The following PCDH7 variants were observed in gnomAD, a reference collection of about 807,000 sequenced individuals.
PCDH7 encodes protocadherin-7.
A neutral mutation model predicts 58.9 loss-of-function variants in PCDH7; 17 were observed. That is an observed-to-expected ratio of 0.29 (90% CI 0.20 to 0.43). The LOEUF is 0.43. PCDH7 is among the 20% of genes least tolerant of loss of function. The probability of loss-of-function intolerance (pLI) is 1.00; values close to 1 mark genes in which losing one functional copy is unlikely to be tolerated. For missense variants in PCDH7, 1,274 were observed against 1,441.0 expected (o/e 0.88, Z 1.88); for synonymous variants, 664 against 616.4 (o/e 1.08, Z -1.14).
chr4:31,133,729 T>C (rs909180038), intron 3 of PCDH7, among the ~76,000 whole-genome samples: 3 of 152,196 alleles, frequency 2.0e-5, no homozygotes, highest in African/African-American at 7.2e-5. Context: ...AGTGCAGTTT[T>C]CATGTGCCAG....
rs572640236 is a variant in PCDH7, at chr4:31,060,242, C to A, written c.*8-82231C>A. On this transcript the variant is annotated intron_variant, in intron 3 of 3. Coordinates refer to the PCDH7 transcript ENST00000509759. The stretch of plus-strand genomic sequence containing the variant: ...CAATCTTGGTTATGAAAGTAGATAT[C>A]TTTGTATGATAATAAATTACTTCCC... 1.1e-4 allele frequency among the ~76,000 whole-genome samples: 17 copies of A among 151,828 alleles called. No individual in the cohort carries two copies. The South Asian group carries it at 3.3e-3, about 30-fold the overall frequency.
At chr4:31,118,700 A>G (rs1717289577) in intron 3 of PCDH7, among the ~76,000 whole-genome samples, 1 of 152,214 alleles carries the variant, frequency 6.6e-6, no homozygotes, top group African/African-American at 2.4e-5. Flanking sequence ...GAAGGAACAG[A>G]TGAAGACCTT....
At position 30,721,441 on chromosome 4, in the gene PCDH7, G is replaced by C. The variant is rs1302671522; in HGVS notation, c.19G>C (p.Ala7Pro). Reference sequence around the variant, plus strand: ...GGAGAAGATGCTGAGGATGCGGACCGCGGGATGGGCGCGCGGCTGGTGCTT... The same window carrying C: ...GGAGAAGATGCTGAGGATGCGGACCCCGGGATGGGCGCGCGGCTGGTGCTT... Residue 7 changes from alanine to proline, a missense_variant, in exon 1 of 2, where the codon GCG becomes CCG. By Grantham distance (27) the Ala-to-Pro change is conservative. Transcript: ENST00000361762. This position sits in a 1 kb window ranked among gnomAD's most constrained non-coding sequence, Gnocchi z 6.7. 2 of 1,529,178 alleles carry C rather than the reference G, an allele frequency of 1.3e-6. No individual in the cohort carries two copies. Among genetic ancestry groups the C allele is most frequent in the East Asian group, 2.3e-5 (1 of 42,890 alleles). The allele number at this position is 1,529,178 out of a possible 1,614,324, so 94.7% of individuals were successfully genotyped here. A position where few individuals can be genotyped will look rare whatever the true frequency, so the allele number is the denominator to read the frequency against.
At chr4:31,012,637 A>G (rs1753282641) in intron 3 of PCDH7, among the ~76,000 whole-genome samples, 1 of 150,690 alleles carries the variant, frequency 6.6e-6, no homozygotes, top group Non-Finnish European at 1.5e-5. Flanking sequence ...TCTTGCCAGA[A>G]AAGTTATTTC....
At chr4:30,805,765 A>T (rs1024845245) in intron 1 of PCDH7, among the ~76,000 whole-genome samples, 1 of 152,130 alleles carries the variant, frequency 6.6e-6, no homozygotes, top group African/African-American at 2.4e-5. Context: ...TTTATACCAA[A>T]TCTGACCACT....
intron 3 of PCDH7, among the ~76,000 whole-genome samples, chr4:31,021,966 A>T (rs953478844): frequency 6.6e-6 from 1 of 152,154 alleles, no homozygotes; most frequent in African/African-American, 2.4e-5. Context: ...TATAAGGTGA[A>T]TGTACCTTTG....
intron 3 of PCDH7, among the ~76,000 whole-genome samples, chr4:31,059,598 G>C (rs965604836): frequency 1.3e-5 from 2 of 151,724 alleles, no homozygotes; most frequent in African/African-American, 4.8e-5. Context: ...CATAGTAAAA[G>C]AATATGATTT....
intron 3 of PCDH7, among the ~76,000 whole-genome samples, chr4:31,008,843 A>G (rs115462269): frequency 0.012 from 1,870 of 152,250 alleles, 18 homozygotes; most frequent in Admixed American, 0.016. Flanking sequence ...AAGCTAACAT[A>G]GTTCTTATTT....
At chr4:30,993,925 GT>G (rs1370182474) in intron 3 of PCDH7, among the ~76,000 whole-genome samples, 6 of 152,220 alleles carry the variant, frequency 3.9e-5, no homozygotes, top group African/African-American at 1.4e-4. Flanking sequence ...TCCCCAAAAT[GT>G]GTAAGTCTGG....
At chr4:31,050,172 G>C (rs751845905) in intron 3 of PCDH7, among the ~76,000 whole-genome samples, 6 of 152,164 alleles carry the variant, frequency 3.9e-5, no homozygotes, top group Non-Finnish European at 8.8e-5. Flanking sequence ...GCAAGAAGCA[G>C]ACAGAGAAGA....
intron 3 of PCDH7, among the ~76,000 whole-genome samples, chr4:31,086,277 A>T (rs538663631): frequency 6.6e-6 from 1 of 152,156 alleles, no homozygotes; most frequent in Non-Finnish European, 1.5e-5. Context: ...TAAATAAAGA[A>T]ATTAAAATAG....
chr4:30,722,932 G>T lies in PCDH7; in HGVS notation c.1510G>T (p.Val504Phe). Reference sequence around the variant, plus strand: ...TGAGGCCACCCGGGAGTTCAACGTGGTCATCGTGGCGGTGGACTCAGGCAG... The same window carrying T: ...TGAGGCCACCCGGGAGTTCAACGTGTTCATCGTGGCGGTGGACTCAGGCAG... Residue 504 changes from valine to phenylalanine, a missense_variant, in exon 1 of 2, where the codon GTC (valine) becomes TTC (phenylalanine). By Grantham distance (50) the Val-to-Phe change is conservative. This residue lies in a region of PCDH7 where 731 missense variants were observed against 881.9 expected (regional missense o/e 0.83). Coordinates refer to ENST00000361762, the Ensembl canonical transcript of PCDH7. This position sits in a 1 kb window ranked among gnomAD's most constrained non-coding sequence, Gnocchi z 7.6. 1 of 1,613,692 alleles carries T rather than the reference G, an allele frequency of 6.2e-7. No homozygotes were observed. The highest frequency in any genetic ancestry group is 1.6e-4 in the Middle Eastern group (1 of 6,062).
intron 3 of PCDH7, among the ~76,000 whole-genome samples, chr4:31,096,648 T>G (rs1050081741): frequency 2.0e-5 from 3 of 152,138 alleles, no homozygotes; most frequent in African/African-American, 7.2e-5. Context: ...AATAATCACA[T>G]CTCATGCTTT....
intron 1 of PCDH7, among the ~76,000 whole-genome samples, chr4:30,914,927 C>G (rs917379335): frequency 2.6e-5 from 4 of 152,080 alleles, no homozygotes; most frequent in African/African-American, 9.7e-5. Flanking sequence ...TTTTTGTGTA[C>G]TGTTTCTTTC....
intron 1 of PCDH7, among the ~76,000 whole-genome samples, chr4:30,842,725 G>A (rs1560426315): frequency 6.6e-6 from 1 of 152,092 alleles, no homozygotes; most frequent in Non-Finnish European, 1.5e-5. Context: ...TATTCTGTAG[G>A]AGGCATTGAA....
chr4:30,747,628 A>G (rs898832511), intron 1 of PCDH7, among the ~76,000 whole-genome samples: 5 of 152,198 alleles, frequency 3.3e-5, no homozygotes, highest in African/African-American at 4.8e-5. Flanking sequence ...TCTCACATTT[A>G]AGGACACTGT....
At chr4:31,141,629 G>A (rs1211878919) in intron 3 of PCDH7, among the ~76,000 whole-genome samples, 1 of 152,168 alleles carries the variant, frequency 6.6e-6, no homozygotes, top group African/African-American at 2.4e-5. Context: ...CTTTGTACAT[G>A]ATTTAGCCTT....
intron 1 of PCDH7, among the ~76,000 whole-genome samples, chr4:30,727,040 AAG>A (rs1714708377): frequency 6.6e-6 from 1 of 152,092 alleles, no homozygotes; most frequent in Admixed American, 6.5e-5. Flanking sequence ...AAAAGAAAAA[AAG>A]AGAATTCAGG....
At chr4:31,066,744 A>G (rs1403737712) in intron 3 of PCDH7, among the ~76,000 whole-genome samples, 3 of 151,968 alleles carry the variant, frequency 2.0e-5, no homozygotes, top group Admixed American at 1.3e-4. Flanking sequence ...GCTTTCACAT[A>G]TGGAGAGTAC....
Sources: allele counts gnomAD v4.1 joint callset (sites outside exome capture counted in the v4.1 genomes callset), GRCh38; gene constraint gnomAD v4.1.1; regional missense constraint gnomAD v4.1.1; non-coding constraint Gnocchi (gnomAD v3.1); transcripts MANE v1.5; gene names NCBI Gene and HGNC (gene_info 2026-07-23, HGNC 2026-07-21).